The following SORCS1 variants were observed in gnomAD, a reference collection of about 807,000 sequenced individuals.
The protein encoded by SORCS1 is VPS10 domain-containing receptor SorCS1.
In SORCS1, 60 loss-of-function variants were observed where a neutral mutation model predicts 146.1. The ratio of observed to expected loss-of-function variants is 0.41; its 90% CI spans 0.33 to 0.51. The LOEUF (loss-of-function observed/expected upper bound fraction) is 0.51. SORCS1 is among the 20% of genes least tolerant of loss of function. The pLI is 0.21. For missense variants in SORCS1, 1,352 were observed against 1,487.6 expected (o/e 0.91, Z 1.50); for synonymous variants, 637 against 584.0 (o/e 1.09, Z -1.31).
rs537048728 is a variant in SORCS1 at position 106,679,848 on chromosome 10, G to T, written c.1561-114C>A. ...ACCATCCCATTTACCATACATCCAT[G>T]CACCACTCCAACCACCCATTGTATC... On this transcript the variant is annotated intron_variant, in intron 10 of 25. Transcript: ENST00000263054. 9.2e-6 allele frequency: 7 copies of T among 757,518 alleles called. No individual in the cohort carries two copies. In the South Asian group the frequency reaches 1.2e-4, roughly 13 times the overall value. 46.9% of individuals were successfully genotyped at this position (757,518 alleles called of 1,614,324 possible). A position where few individuals can be genotyped will look rare whatever the true frequency, so the allele number is the denominator to read the frequency against.
chr10:106,832,742 T>C (rs916154927), intron 2 of SORCS1, among the ~76,000 whole-genome samples: 3 of 152,154 alleles, frequency 2.0e-5, no homozygotes, highest in African/African-American at 7.2e-5. Context: ...TTAATAAATT[T>C]AGCCTGATGA....
chr10:106,772,685 A>G (rs1334344382), intron 4 of SORCS1, among the ~76,000 whole-genome samples: 2 of 152,202 alleles, frequency 1.3e-5, no homozygotes, highest in African/African-American at 4.8e-5. Context: ...ACCACCTTTT[A>G]AAATCTTAAT....
intron 2 of SORCS1, among the ~76,000 whole-genome samples, chr10:106,937,120 T>C (rs1953760905): frequency 6.6e-6 from 1 of 151,654 alleles, no homozygotes; most frequent in Admixed American, 6.6e-5. Flanking sequence ...ATCATGGGGG[T>C]AGGTTTTTCC....
chr10:106,993,059 T>G (rs1956840618), intron 1 of SORCS1, among the ~76,000 whole-genome samples: 1 of 151,594 alleles, frequency 6.6e-6, no homozygotes, highest in South Asian at 2.1e-4. Flanking sequence ...CTCTATCTCC[T>G]GACCTCGTGA....
intron 1 of SORCS1, among the ~76,000 whole-genome samples, chr10:106,964,410 C>T (rs1466476191): frequency 1.3e-5 from 2 of 152,130 alleles, no homozygotes; most frequent in East Asian, 3.9e-4. Context: ...CTCAAGTGAT[C>T]CTCCTGCCTC....
intron 2 of SORCS1, among the ~76,000 whole-genome samples, chr10:106,930,464 C>A (rs1953359497): frequency 6.6e-6 from 1 of 152,160 alleles, no homozygotes; most frequent in Non-Finnish European, 1.5e-5. Flanking sequence ...ATTTGCAGAA[C>A]CCTCAGCTCT....
chr10:106,655,162 A>C (rs1197474312), intron 17 of SORCS1, among the ~76,000 whole-genome samples: 1 of 152,134 alleles, frequency 6.6e-6, no homozygotes, highest in Non-Finnish European at 1.5e-5. Flanking sequence ...GCCTCATCTG[A>C]TATTTATTTT....
At chr10:106,621,822 C>T (rs1847765799) in intron 19 of SORCS1, among the ~76,000 whole-genome samples, 2 of 152,102 alleles carry the variant, frequency 1.3e-5, no homozygotes, top group African/African-American at 2.4e-5. Flanking sequence ...TTAGCTCACC[C>T]TCCCTAATCT....
chr10:106,669,395 G>C (rs888761845), intron 16 of SORCS1, among the ~76,000 whole-genome samples: 1 of 151,826 alleles, frequency 6.6e-6, no homozygotes, highest in Non-Finnish European at 1.5e-5. Context: ...TTCTACCAGA[G>C]AATAAATTTG....
chr10:107,144,631 T>C (rs1373877221), intron 1 of SORCS1, among the ~76,000 whole-genome samples: 1 of 152,230 alleles, frequency 6.6e-6, no homozygotes, highest in African/African-American at 2.4e-5. Context: ...CAAGAGCCCA[T>C]GGCCTTGCCA....
intron 4 of SORCS1, among the ~76,000 whole-genome samples, chr10:106,772,737 G>A (rs1860122472): frequency 6.6e-6 from 1 of 151,986 alleles, no homozygotes; most frequent in Admixed American, 6.6e-5. Flanking sequence ...ATTCTATCTT[G>A]GACCAGAAAG....
intron 4 of SORCS1, among the ~76,000 whole-genome samples, chr10:106,772,444 TAATCAATC>T (rs531205148): frequency 2.0e-5 from 3 of 151,600 alleles, no homozygotes; most frequent in Non-Finnish European, 1.5e-5. Context: ...TAAATTCCCA[TAATCAATC>T]AATCAATCAA....
At chr10:107,119,244 T>C (rs992291317) in intron 1 of SORCS1, among the ~76,000 whole-genome samples, 1 of 152,180 alleles carries the variant, frequency 6.6e-6, no homozygotes, top group Admixed American at 6.5e-5. Context: ...AGATGAATCA[T>C]GAAAGTGACT....
chr10:106,999,470 T>C lies in SORCS1; in HGVS notation c.559-42890A>G, dbSNP rs11193156. Among the ~76,000 whole-genome samples the C allele has an allele frequency of 2.6e-5, 4 of 152,254 alleles. No homozygotes were observed. The East Asian group carries it at 7.7e-4, about 29-fold the overall frequency. On this transcript the variant is annotated intron_variant, in intron 1 of 25. Coordinates refer to ENST00000263054, the MANE Select transcript of SORCS1 (RefSeq NM_052918.5). ...GATGCATGGTTGCTATTACCATTTA[T>C]AGCACCATTTGTTTCATTTAAGAAA...
At chr10:106,972,995 A>T (rs1374276766) in intron 1 of SORCS1, among the ~76,000 whole-genome samples, 1 of 152,106 alleles carries the variant, frequency 6.6e-6, no homozygotes, top group Non-Finnish European at 1.5e-5. Flanking sequence ...CTCTTCTACC[A>T]TTGAGGCTGA....
chr10:107,068,008 C>A (rs1962051009), intron 1 of SORCS1, among the ~76,000 whole-genome samples: 1 of 152,132 alleles, frequency 6.6e-6, no homozygotes, highest in African/African-American at 2.4e-5. Flanking sequence ...GCTTCCATGG[C>A]AAGCTTGGTA....
chr10:106,948,951 A>T (rs796784910), intron 2 of SORCS1, among the ~76,000 whole-genome samples: 50 of 151,474 alleles, frequency 3.3e-4, no homozygotes, highest in African/African-American at 1.2e-3. Context: ...ACAGAGAAAG[A>T]CTCTGTATCC....
intron 9 of SORCS1, 28 bp from the exon 10 acceptor site, chr10:106,688,366 T>C: frequency 4.4e-6 from 7 of 1,606,892 alleles, no homozygotes; most frequent in Non-Finnish European, 5.9e-6. Context: ...GGCTGAAAAA[T>C]ACATCAATTT....
intron 6 of SORCS1, among the ~76,000 whole-genome samples, chr10:106,723,531 T>A (rs1167269770): frequency 6.6e-6 from 1 of 152,140 alleles, no homozygotes; most frequent in Admixed American, 6.6e-5. Context: ...GTTCAAAAAT[T>A]TCCAGTAATA....
Sources: allele counts gnomAD v4.1 joint callset (sites outside exome capture counted in the v4.1 genomes callset), GRCh38; gene constraint gnomAD v4.1.1; transcripts MANE v1.5; gene names NCBI Gene and HGNC (gene_info 2026-07-23, HGNC 2026-07-21).